The following ITGB8 variants were observed in gnomAD, a reference collection of about 807,000 sequenced individuals.
ITGB8 encodes integrin subunit beta 8, also known as integrin beta-8.
A neutral mutation model predicts 89.5 loss-of-function variants in ITGB8; 30 were observed. That is an observed-to-expected ratio of 0.34 (90% CI 0.25 to 0.45). The LOEUF is 0.45. ITGB8 is among the 20% of genes least tolerant of loss of function. The pLI is 1.00. For synonymous variants in ITGB8, 335 were observed against 320.4 expected (o/e 1.05, Z -0.49); for missense variants, 836 against 933.3 (o/e 0.90, Z 1.36).
At chr7:20,378,313 G>A (rs1008738538) in intron 3 of ITGB8, among the ~76,000 whole-genome samples, 1 of 152,128 alleles carries the variant, frequency 6.6e-6, no homozygotes, top group African/African-American at 2.4e-5. Context: ...TCGCTCATGG[G>A]CCCCCTCCTC....
rs992540517 is a variant in ITGB8 at position 20,412,511 on chromosome 7, A to C, written c.*2514A>C. The C allele has an allele frequency of 6.6e-6, 1 of 152,644 alleles. No individual in the cohort carries two copies. Among genetic ancestry groups the C allele is most frequent in the African/African-American group, 2.4e-5 (1 of 41,466 alleles). 9.5% of individuals were successfully genotyped at this position (152,644 alleles called of 1,614,324 possible). On this transcript the variant is annotated 3_prime_UTR_variant, in exon 14 of 14. Coordinates refer to ENST00000222573, the MANE Select transcript of ITGB8 (RefSeq NM_002214.3). ...GAATGAATTATCCAAAAAGAGTATA[A>C]CAAAATGAAATCCTTAAAAATCCAG...
At chr7:20,386,180 C>CTG (rs1482248436) in intron 6 of ITGB8, among the ~76,000 whole-genome samples, 1 of 151,932 alleles carries the variant, frequency 6.6e-6, no homozygotes, top group Admixed American at 6.6e-5. Context: ...CATCGAAAGA[C>CTG]TACAAAGTAC....
chr7:20,358,138 T>C (rs1400360898), intron 1 of ITGB8, among the ~76,000 whole-genome samples: 1 of 151,880 alleles, frequency 6.6e-6, no homozygotes, highest in African/African-American at 2.4e-5. Context: ...GCTAATTTTT[T>C]GTATCTTTAG....
intron 10 of ITGB8, among the ~76,000 whole-genome samples, 179 bp from the exon 11 acceptor site, chr7:20,404,449 G>C (rs1015911499): frequency 3.3e-5 from 5 of 152,214 alleles, no homozygotes; most frequent in African/African-American, 1.2e-4. Flanking sequence ...GAACAGCTTT[G>C]AAAACAGACC....
intron 1 of ITGB8, among the ~76,000 whole-genome samples, chr7:20,351,728 A>C (rs977039761): frequency 2.0e-5 from 3 of 152,242 alleles, no homozygotes; most frequent in African/African-American, 7.2e-5. Context: ...CTCTTACAAT[A>C]TAGAGTGTTG....
intron 6 of ITGB8, among the ~76,000 whole-genome samples, chr7:20,390,580 T>G (rs1786814130): frequency 6.6e-6 from 1 of 152,080 alleles, no homozygotes; most frequent in South Asian, 2.1e-4. Context: ...GTAAAGCAGG[T>G]ATAAAATATA....
intron 8 of ITGB8, among the ~76,000 whole-genome samples, chr7:20,397,968 T>G (rs66518361): frequency 0.22 from 33,980 of 151,892 alleles, 4,977 homozygotes; most frequent in Non-Finnish European, 0.32. Flanking sequence ...TTGTTTGTTT[T>G]TTTTTTGGCA....
chr7:20,384,019 A>G (rs1786507614), intron 6 of ITGB8, among the ~76,000 whole-genome samples: 1 of 152,168 alleles, frequency 6.6e-6, no homozygotes, highest in Non-Finnish European at 1.5e-5. Context: ...CATATTAGGT[A>G]AAAGAAGCTG....
At chr7:20,395,329 A>T (rs1787026916) in intron 8 of ITGB8, among the ~76,000 whole-genome samples, 1 of 152,236 alleles carries the variant, frequency 6.6e-6, no homozygotes, top group African/African-American at 2.4e-5. Context: ...TGCCGTAATG[A>T]TAAAGTAGAA....
Position 20,412,840 on chromosome 7 carries a change from G to A in ITGB8, c.*2843G>A, listed in dbSNP as rs998554302. On this transcript the variant is annotated 3_prime_UTR_variant, in exon 14 of 14. Transcript: ENST00000222573. Reference sequence around the variant, plus strand: ...GGTAAGGGAACACAGGGTACTCTTAGGTTAAATAATGTATGCAAATAGAGT... The same window carrying A: ...GGTAAGGGAACACAGGGTACTCTTAAGTTAAATAATGTATGCAAATAGAGT... 13 of 152,502 alleles carry A rather than the reference G, an allele frequency of 8.5e-5. No homozygotes were observed. Among genetic ancestry groups the A allele is most frequent in the Non-Finnish European group, 1.5e-4 (10 of 67,988 alleles). 9.4% of individuals were successfully genotyped at this position (152,502 alleles called of 1,614,324 possible).
Position 20,406,135 on chromosome 7 carries a change from C to T in ITGB8, c.1987C>T (p.Leu663Phe), listed in dbSNP as rs773308729. 1.9e-6 allele frequency: 3 copies of T among 1,612,706 alleles called. No individual in the cohort carries two copies. The highest frequency in any genetic ancestry group is 2.2e-5 in the South Asian group (2 of 91,044). Residue 663 changes from leucine to phenylalanine, a missense_variant, in exon 12 of 14, where the codon CTC becomes TTC. By Grantham distance (22) the Leu-to-Phe change is conservative. Coordinates refer to ENST00000222573, the MANE Select transcript of ITGB8 (RefSeq NM_002214.3). Reference sequence around the variant, plus strand: ...TGATCAGTGCAAAACCTCATGTGCTCTCATGGAACAACAGCATTATGTCGA... The same window carrying T: ...TGATCAGTGCAAAACCTCATGTGCTTTCATGGAACAACAGCATTATGTCGA... ...ILDQCKTSCA[L>F]MEQQHYVDQT...
intron 1 of ITGB8, among the ~76,000 whole-genome samples, chr7:20,336,199 G>A (rs542136534): frequency 5.7e-4 from 86 of 151,954 alleles, no homozygotes; most frequent in Middle Eastern, 3.4e-3. Context: ...TAGAGAGGGC[G>A]TTTCACTGTG....
intron 1 of ITGB8, among the ~76,000 whole-genome samples, chr7:20,341,282 A>G (rs750806000): frequency 6.6e-6 from 1 of 152,200 alleles, no homozygotes; most frequent in Non-Finnish European, 1.5e-5. Context: ...ATGGGGCACA[A>G]TTTCCAAGAA....
At chr7:20,348,732 A>G (rs1200026151) in intron 1 of ITGB8, among the ~76,000 whole-genome samples, 1 of 152,206 alleles carries the variant, frequency 6.6e-6, no homozygotes, top group Admixed American at 6.5e-5. Flanking sequence ...GAGCATATAA[A>G]TAAGAGCTGT....
At chr7:20,342,820 G>A (rs1330950482) in intron 1 of ITGB8, among the ~76,000 whole-genome samples, 1 of 152,186 alleles carries the variant, frequency 6.6e-6, no homozygotes, top group East Asian at 1.9e-4. Flanking sequence ...GAAACACAAA[G>A]TTTGGAGTTT....
intron 3 of ITGB8, among the ~76,000 whole-genome samples, chr7:20,378,242 G>A (rs1009944191): frequency 2.0e-5 from 3 of 152,172 alleles, no homozygotes; most frequent in Admixed American, 6.5e-5. Flanking sequence ...GGGGACTACC[G>A]ACATTTGTCC....
rs552703089 is a variant in ITGB8, at chr7:20,412,281, C to T, written c.*2284C>T. The T allele has an allele frequency of 1.3e-5, 2 of 152,690 alleles. No individual in the cohort carries two copies. Among genetic ancestry groups the T allele is most frequent in the South Asian group, 2.1e-4 (1 of 4,824 alleles). The allele number at this position is 152,690 out of a possible 1,614,324, so 9.5% of individuals were successfully genotyped here. A position where few individuals can be genotyped will look rare whatever the true frequency, so the allele number is the denominator to read the frequency against. ...TGACATAATTCAGTACTGTGAGTCA[C>T]TTGTATAAGAAACCTTTGATCACTA... On this transcript the variant is annotated 3_prime_UTR_variant, in exon 14 of 14. Coordinates refer to ENST00000222573, the MANE Select transcript of ITGB8 (RefSeq NM_002214.3).
intron 10 of ITGB8, among the ~76,000 whole-genome samples, chr7:20,403,946 C>A (rs1266017803): frequency 6.6e-6 from 1 of 152,174 alleles, no homozygotes; most frequent in Non-Finnish European, 1.5e-5. Context: ...CTATGTGTAA[C>A]TATGTTTTCT....
At chr7:20,359,102 C>T (rs1313091210) in intron 1 of ITGB8, among the ~76,000 whole-genome samples, 1 of 152,192 alleles carries the variant, frequency 6.6e-6, no homozygotes, top group Admixed American at 6.5e-5. Context: ...TTTCTTTATC[C>T]AGCCCACCAT....
Sources: allele counts gnomAD v4.1 joint callset (sites outside exome capture counted in the v4.1 genomes callset), GRCh38; gene constraint gnomAD v4.1.1; transcripts MANE v1.5; gene names NCBI Gene and HGNC (gene_info 2026-07-23, HGNC 2026-07-21).